SPTAN1: variants seen among roughly 807,000 people sequenced by gnomAD.
SPTAN1 encodes the protein spectrin alpha, non-erythrocytic 1.
In SPTAN1, 61 loss-of-function variants were observed where a neutral mutation model predicts 331.3. The ratio of observed to expected loss-of-function variants is 0.18; its 90% confidence interval spans 0.15 to 0.23. The LOEUF is 0.23. SPTAN1 is among the 10% of genes least tolerant of loss of function. The pLI is 1.00. For synonymous variants in SPTAN1, 1,153 were observed against 1,173.9 expected (o/e 0.98, Z 0.36); for missense variants, 2,043 against 3,147.9 (o/e 0.65, Z 8.40).
rs769831605 is a variant in SPTAN1, at chr9:128,632,495, C to A, written c.7013+11C>A. 3.7e-6 allele frequency: 6 copies of A among 1,614,072 alleles called. No homozygotes were observed. In the African/African-American group the frequency reaches 8.0e-5, roughly 22 times the overall value. On this transcript the variant is annotated intron_variant, in intron 54 of 56. Coordinates refer to ENST00000372739, the MANE Select transcript of SPTAN1 (RefSeq NM_001130438.3). ...CAGCATGATGTTTAAGTGAGTTCAG[C>A]CTTACTCGCCCTGGCTGGGTGGGGG... is the stretch of plus-strand genomic sequence containing the variant.
chr9:128,630,407 G>C (rs1334126499), intron 52 of SPTAN1, 32 bp downstream of exon 52: 1 of 1,611,076 alleles, frequency 6.2e-7, no homozygotes, highest in Non-Finnish European at 8.5e-7. Flanking sequence ...GCCCAGCAGA[G>C]ACCCTTCACC....
Position 128,605,107 on chromosome 9 carries a change from C to G in SPTAN1, c.3793C>G (p.Leu1265Val). 3 of 1,613,876 alleles carry G rather than the reference C, an allele frequency of 1.9e-6. No homozygotes were observed. The highest frequency in any genetic ancestry group is 2.5e-6 in the Non-Finnish European group (3 of 1,179,994). Reference sequence around the variant, plus strand: ...AAACACAGACAATTATGGACATGATCTCGCCAGTGTCCAGGCCCTGCAACG... The same window carrying G: ...AAACACAGACAATTATGGACATGATGTCGCCAGTGTCCAGGCCCTGCAACG... ...ALNTDNYGHD[L>V]ASVQALQRKH... Residue 1265 changes from leucine to valine, a missense_variant, in exon 30 of 57, where the codon CTC becomes GTC. Leu to Val is a conservative substitution (Grantham distance 32). Coordinates refer to ENST00000372739, the MANE Select transcript of SPTAN1 (RefSeq NM_001130438.3).
chr9:128,606,390 A>AAAAAAAC (rs1855870154), intron 31 of SPTAN1, among the ~76,000 whole-genome samples: 1 of 150,146 alleles, frequency 6.7e-6, no homozygotes, highest in Non-Finnish European at 1.5e-5. Flanking sequence ...AAAAAAAAAA[A>AAAAAAAC]AACAAGTCTC....
At chr9:128,631,921 C>T (rs1859808336) in intron 52 of SPTAN1, 2 of 604,252 alleles carry the variant, frequency 3.3e-6, no homozygotes, top group Middle Eastern at 4.4e-4. Context: ...GCTTTGGAAC[C>T]CTCACATTGA....
chr9:128,581,289 G>A (rs922151033), intron 11 of SPTAN1, among the ~76,000 whole-genome samples: 4 of 152,116 alleles, frequency 2.6e-5, no homozygotes, highest in Non-Finnish European at 5.9e-5. Context: ...GATGTAAAAT[G>A]TTTTATTAAA....
Position 128,583,131 on chromosome 9 carries a change from C to T in SPTAN1, c.1861C>T (p.Leu621Phe). 6.2e-7 allele frequency: 1 copy of T among 1,614,178 alleles called. No homozygotes were observed. Among genetic ancestry groups the T allele is most frequent in the Non-Finnish European group, 8.5e-7 (1 of 1,180,036 alleles). The part of the protein sequence containing the change: ...VQKHQAFEAE[L>F]SANQSRIDAL... ...GAAGCATCAGGCTTTTGAGGCTGAG[C>T]TCTCAGCAAACCAGAGCCGAATTGA... The change falls in exon 15 of 57, where the codon CTC (leucine) becomes TTC (phenylalanine). Residue 621 changes from leucine (L) to phenylalanine (F), a missense_variant. This residue lies in a region of SPTAN1 where 1,038 missense variants were observed against 1,531.5 expected (regional missense o/e 0.68). Transcript: ENST00000372739.
intron 31 of SPTAN1, among the ~76,000 whole-genome samples, chr9:128,605,974 A>G (rs1177467041): frequency 6.8e-6 from 1 of 146,120 alleles, no homozygotes; most frequent in African/African-American, 2.5e-5. Flanking sequence ...CCCGGGCAAC[A>G]AGAGTGAAAC....
At chr9:128,588,738 A>C in intron 20 of SPTAN1, 71 bp from the exon 21 acceptor site, 3 of 1,603,744 alleles carry the variant, frequency 1.9e-6, no homozygotes, top group Non-Finnish European at 1.7e-6. Flanking sequence ...TGGCATTTGA[A>C]TCTGCTCTGT....
intron 21 of SPTAN1, 54 bp from the exon 22 acceptor site, chr9:128,591,423 A>T: frequency 3.1e-6 from 5 of 1,612,520 alleles, no homozygotes; most frequent in South Asian, 1.1e-5. Flanking sequence ...ACCTCCTTGG[A>T]TTCTCCCTCT....
chr9:128,606,972 C>T (rs1271690101), intron 31 of SPTAN1, among the ~76,000 whole-genome samples: 1 of 152,064 alleles, frequency 6.6e-6, no homozygotes, highest in Non-Finnish European at 1.5e-5. Context: ...TCTTCCCCAC[C>T]CACTAGGAAT....
chr9:128,580,843 T>A, intron 10 of SPTAN1, 79 bp from the exon 11 acceptor site: 1 of 1,600,404 alleles, frequency 6.2e-7, no homozygotes, highest in East Asian at 2.2e-5. Context: ...GATTAGGAAT[T>A]CCAGGATAGC....
In SPTAN1 at chr9:128,582,977, GT is replaced by G. The variant is rs2131135328; in HGVS notation, c.1807-96del. 24 of 1,573,150 alleles carry G rather than the reference GT, an allele frequency of 1.5e-5. No individual in the cohort carries two copies. The South Asian group carries it at 2.7e-4, about 18-fold the overall frequency. On this transcript the variant is annotated intron_variant, in intron 14 of 56. Coordinates refer to ENST00000372739, the MANE Select transcript of SPTAN1 (RefSeq NM_001130438.3). ...CCCCACTACTTAATGTAAGCCAACT[GT>G]TTTATACATTCCTCCATAAAGATAA...
intron 25 of SPTAN1, 70 bp from the exon 26 acceptor site, chr9:128,598,893 C>G (rs1854670659): frequency 3.5e-6 from 5 of 1,417,506 alleles, no homozygotes. Context: ...CCAGGTTTGG[C>G]CATAATAAGT....
Position 128,580,905 on chromosome 9 carries a change from T to A in SPTAN1, c.1324-17T>A. ...GGCTGACCTCATCTCCCTGACCATG[T>A]CTCCTATGCCCCCAAGCTGACCGTC... On this transcript the variant is annotated splice_polypyrimidine_tract_variant and intron_variant, in intron 10 of 56. Transcript: ENST00000372739. 6.2e-7 allele frequency: 1 copy of A among 1,612,296 alleles called. No homozygotes were observed. Among genetic ancestry groups the A allele is most frequent in the Non-Finnish European group, 8.5e-7 (1 of 1,179,996 alleles).
chr9:128,581,531 C>T (rs905750950), intron 11 of SPTAN1, among the ~76,000 whole-genome samples: 3 of 150,236 alleles, frequency 2.0e-5, no homozygotes, highest in African/African-American at 7.3e-5. Flanking sequence ...ACATCTGAAT[C>T]TAATAGAAGC....
Position 128,609,295 on chromosome 9 carries a change from G to A in SPTAN1, c.4758+11G>A. The A allele has an allele frequency of 6.2e-7, 1 of 1,614,222 alleles. No individual in the cohort carries two copies. The highest frequency in any genetic ancestry group is 8.5e-7 in the Non-Finnish European group (1 of 1,180,040). On this transcript the variant is annotated intron_variant, in intron 36 of 56. Transcript: ENST00000372739. ...CCCACCAACATCCAGGTAAGCTGAA[G>A]TGACTGGGTGTTGGTCTTGATGTAG... is the stretch of plus-strand genomic sequence containing the variant.
intron 48 of SPTAN1, 131 bp from the exon 49 acceptor site, chr9:128,626,260 G>C: frequency 8.4e-7 from 1 of 1,184,834 alleles, no homozygotes; most frequent in Non-Finnish European, 1.2e-6. Context: ...GACAGGAGCA[G>C]AGGGGAGCTA....
At chr9:128,604,616 A>G (rs921737237) in intron 29 of SPTAN1, among the ~76,000 whole-genome samples, 199 bp downstream of exon 29, 12 of 152,210 alleles carry the variant, frequency 7.9e-5, no homozygotes, top group African/African-American at 2.7e-4. Flanking sequence ...AGCCACAGAC[A>G]AATATACAAA....
Position 128,625,746 on chromosome 9 carries a change from T to C in SPTAN1, c.6070-23T>C. ...TCCAGTCCTGTGGAGTCACCACAAA[T>C]TGGCTTGTCACTCCTTGTTCAGGAA... is the stretch of plus-strand genomic sequence containing the variant. On this transcript the variant is annotated intron_variant, in intron 47 of 56. Coordinates refer to ENST00000372739, the MANE Select transcript of SPTAN1 (RefSeq NM_001130438.3). The surrounding 1 kb of genome is among the most constrained non-coding windows in gnomAD (Gnocchi z 4.1). The C allele has an allele frequency of 6.2e-7, 1 of 1,612,252 alleles. No homozygotes were observed. Among genetic ancestry groups the C allele is most frequent in the Non-Finnish European group, 8.5e-7 (1 of 1,179,056 alleles).
Sources: gnomAD v4.1 joint callset for allele counts (sites outside exome capture counted in the v4.1 genomes callset) on GRCh38, gnomAD v4.1.1 for gene constraint, gnomAD v4.1.1 regional missense constraint, Gnocchi (gnomAD v3.1) non-coding constraint, MANE v1.5 for transcripts, NCBI Gene and HGNC (gene_info 2026-07-23, HGNC 2026-07-21) for gene names.